Variants in LYRM4 observed in about 807,000 individuals in gnomAD.
LYRM4 encodes the protein LYR motif-containing protein 4.
Under a neutral mutation model 11.7 loss-of-function variants are expected in LYRM4, and 9 were observed. The ratio of observed to expected loss-of-function variants is 0.77; its 90% CI spans 0.46 to 1.34. The LOEUF is 1.34. Among genes scored for constraint, LYRM4 ranks in the 40% most tolerant of loss-of-function variants. The probability of loss-of-function intolerance (pLI) is 0.00; values close to 1 mark genes in which losing one functional copy is unlikely to be tolerated. For synonymous variants in LYRM4, 42 were observed against 40.4 expected, an observed-to-expected ratio of 1.04 and a Z score of -0.15; for missense variants, 133 against 112.5, an observed-to-expected ratio of 1.18 and a Z score of -0.82.
intron 2 of LYRM4, among the ~76,000 whole-genome samples, chr6:5,184,417 C>T (rs571399540): frequency 1.5e-4 from 23 of 152,262 alleles, no homozygotes; most frequent in Non-Finnish European, 2.9e-4. Flanking sequence ...TATTAAACAT[C>T]CTGGTGTCCA....
intron 2 of LYRM4, chr6:5,113,498 G>A (rs565974693): frequency 3.8e-5 from 12 of 316,392 alleles, no homozygotes; most frequent in South Asian, 2.8e-4. Flanking sequence ...GCAGCCAGAG[G>A]AATACGTGGG....
the LYRM4 span, among the ~76,000 whole-genome samples, chr6:5,091,130 G>A: frequency 2.0e-5 from 3 of 152,312 alleles, no homozygotes; most frequent in Non-Finnish European, 2.9e-5. Context: ...GCAGTCCAGC[G>A]TTTGTCCAGC....
At chr6:5,051,868 G>A in the LYRM4 span, among the ~76,000 whole-genome samples, 2 of 152,336 alleles carry the variant, frequency 1.3e-5, no homozygotes, top group South Asian at 2.1e-4. Flanking sequence ...ATCACATGGT[G>A]AGAGAGGAAG....
intron 2 of LYRM4, among the ~76,000 whole-genome samples, chr6:5,172,274 C>G (rs759006461): frequency 2.0e-5 from 3 of 152,166 alleles, no homozygotes; most frequent in Non-Finnish European, 4.4e-5. Flanking sequence ...CGCTGTAACA[C>G]GAGCTGCACA....
chr6:5,151,160 T>C (rs925271465), intron 2 of LYRM4, among the ~76,000 whole-genome samples: 37 of 151,206 alleles, frequency 2.4e-4, no homozygotes, highest in Non-Finnish European at 5.0e-4. Context: ...CTTGGCTCAC[T>C]GCAACCTCCG....
In LYRM4 at chr6:5,165,004, GA is replaced by G. The variant is rs199638382; in HGVS notation, c.207+51613del. Among the ~76,000 whole-genome samples, 74 of 143,044 alleles carry G rather than the reference GA, an allele frequency of 5.2e-4. 1 individual carries two copies. In the East Asian group the frequency reaches 8.6e-3, roughly 17 times the overall value. The allele number at this position is 143,044 out of a possible 152,430, so 93.8% of individuals were successfully genotyped here. On this transcript the variant is annotated intron_variant, in intron 2 of 2. Transcript: ENST00000330636. ...AAAAAAAAATTTACTAGTGCCAAGA[GA>G]AAAAAAAAAGTTATTATGTTCTACA... is the stretch of plus-strand genomic sequence containing the variant.
intron 2 of LYRM4, among the ~76,000 whole-genome samples, chr6:5,170,258 T>A (rs1047993394): frequency 2.6e-5 from 4 of 152,220 alleles, no homozygotes; most frequent in Non-Finnish European, 5.9e-5. Flanking sequence ...GGAATTAGCA[T>A]ACTGACCTAT....
chr6:5,032,847 C>G, the LYRM4 span: 1 of 152,398 alleles, frequency 6.6e-6, no homozygotes, highest in African/African-American at 2.4e-5. Context: ...AACAGTCACC[C>G]CGGCCACTCC....
chr6:5,167,920 G>GA (rs57806234), intron 2 of LYRM4, among the ~76,000 whole-genome samples: 11 of 149,698 alleles, frequency 7.3e-5, no homozygotes, highest in East Asian at 5.8e-4. Context: ...AAAGACAAAG[G>GA]AAAAAAAAAC....
chr6:5,066,408 G>A, the LYRM4 span: 1 of 741,970 alleles, frequency 1.3e-6, no homozygotes, highest in Non-Finnish European at 2.5e-6. Context: ...GAACATTCTA[G>A]TTACTTTTAA....
At chr6:5,134,624 C>T (rs12192863) in intron 2 of LYRM4, among the ~76,000 whole-genome samples, 27,660 of 152,068 alleles carry the variant, frequency 0.18, 2,746 homozygotes, top group African/African-American at 0.24. Context: ...CAAAACAATA[C>T]GGGAGAGCAT....
the LYRM4 span, among the ~76,000 whole-genome samples, chr6:5,061,846 G>T: frequency 6.6e-6 from 1 of 152,144 alleles, no homozygotes; most frequent in South Asian, 2.1e-4. Context: ...AAGACCCAGA[G>T]ATGGAATATT....
chr6:5,245,104 AAAAAAAAAAATATATATATATATATAT>A lies in LYRM4; in HGVS notation c.86+15517_86+15543del, dbSNP rs1218012004. Among the ~76,000 whole-genome samples, 117 of 57,108 alleles carry A rather than the reference AAAAAAAAAAATATATATATATATATAT, an allele frequency of 2.0e-3. 2 individuals are homozygous for A. The highest frequency in any genetic ancestry group is 5.6e-3 in the African/African-American group (86 of 15,440). 37.5% of individuals were successfully genotyped at this position (57,108 alleles called of 152,430 possible). A position where few individuals can be genotyped will look rare whatever the true frequency, so the allele number is the denominator to read the frequency against. On this transcript the variant is annotated intron_variant, in intron 1 of 2. Coordinates refer to ENST00000330636, the MANE Select transcript of LYRM4 (RefSeq NM_020408.6). The stretch of plus-strand genomic sequence containing the variant: ...AGGAAGACCTTAAAAAAAAAAAAAA[AAAAAAAAAAATATATATATATATATAT>A]ATATATATATATATATATATATATA...
chr6:5,179,056 CCAAAAAAA>C (rs1249619885), intron 2 of LYRM4, among the ~76,000 whole-genome samples: 1 of 46,482 alleles, frequency 2.2e-5, no homozygotes, highest in Admixed American at 2.3e-4. Flanking sequence ...AACAAACAAA[CCAAAAAAA>C]CAAAAAAAAA....
chr6:5,124,463 CT>C (rs1763610883), intron 2 of LYRM4, among the ~76,000 whole-genome samples: 2 of 152,296 alleles, frequency 1.3e-5, no homozygotes, highest in South Asian at 4.1e-4. Context: ...TCCTTTGCTT[CT>C]TTGTTCTTTC....
intron 2 of LYRM4, among the ~76,000 whole-genome samples, chr6:5,139,358 C>A (rs1757281997): frequency 6.6e-6 from 1 of 152,162 alleles, no homozygotes; most frequent in African/African-American, 2.4e-5. Flanking sequence ...CAAAGTTAGG[C>A]AACAGAATAT....
At chr6:5,047,824 C>A in the LYRM4 span, among the ~76,000 whole-genome samples, 2 of 152,162 alleles carry the variant, frequency 1.3e-5, no homozygotes, top group Admixed American at 6.5e-5. Context: ...TACCTTATTA[C>A]AATAGCATAA....
chr6:5,235,137 C>T (rs1025800753), intron 1 of LYRM4, among the ~76,000 whole-genome samples: 1 of 151,928 alleles, frequency 6.6e-6, no homozygotes, highest in African/African-American at 2.4e-5. Flanking sequence ...GTGTTAAAAC[C>T]ACTGTTGAAT....
intron 2 of LYRM4, among the ~76,000 whole-genome samples, chr6:5,156,067 T>C (rs4960070): frequency 0.36 from 54,367 of 152,144 alleles, 10,523 homozygotes; most frequent in East Asian, 0.62. Context: ...TGGTATCATC[T>C]GTCTTCTGGA....
Sources: allele counts gnomAD v4.1 joint callset (sites outside exome capture counted in the v4.1 genomes callset), GRCh38; gene constraint gnomAD v4.1.1; transcripts MANE v1.5; gene names NCBI Gene and HGNC (gene_info 2026-07-23, HGNC 2026-07-21).